The following TNFSF4 variants were observed in gnomAD, a reference collection of about 807,000 sequenced individuals.
TNFSF4 encodes the protein tumor necrosis factor ligand superfamily member 4.
In TNFSF4, 4 loss-of-function variants were observed where a neutral mutation model predicts 7.3. The observed-to-expected ratio is 0.55, with a 90% CI of 0.27 to 1.25. The LOEUF (loss-of-function observed/expected upper bound fraction) is 1.25. Among genes scored for constraint, TNFSF4 ranks in the 50% most tolerant of loss-of-function variants. The probability of loss-of-function intolerance (pLI) is 0.12; values close to 1 mark genes in which losing one functional copy is unlikely to be tolerated. For synonymous variants in TNFSF4, 76 were observed against 83.7 expected (o/e 0.91, Z 0.50); for missense variants, 181 against 208.8 (o/e 0.87, Z 0.82).
the TNFSF4 span, among the ~76,000 whole-genome samples, chr1:173,250,328 A>C: frequency 6.6e-6 from 1 of 152,242 alleles, no homozygotes; most frequent in Non-Finnish European, 1.5e-5. Flanking sequence ...AATTTCAATA[A>C]ATTGAACAGA....
chr1:173,232,276 T>A, the TNFSF4 span, among the ~76,000 whole-genome samples: 1 of 152,210 alleles, frequency 6.6e-6, no homozygotes, highest in Non-Finnish European at 1.5e-5. Flanking sequence ...GATTGTCTGT[T>A]ATTGGTGTAT....
chr1:173,267,269 T>G, the TNFSF4 span, among the ~76,000 whole-genome samples: 4 of 152,182 alleles, frequency 2.6e-5, no homozygotes, highest in African/African-American at 9.7e-5. Flanking sequence ...CAACATACCT[T>G]TGCCAGGCTA....
upstream of TNFSF4, among the ~76,000 whole-genome samples, chr1:173,210,734 G>A (rs1199995663): frequency 6.6e-6 from 1 of 152,030 alleles, no homozygotes; most frequent in Non-Finnish European, 1.5e-5. Flanking sequence ...CTAGGGGGGG[G>A]AAAAGAGACA....
chr1:173,380,568 T>C, the TNFSF4 span, among the ~76,000 whole-genome samples: 1 of 152,120 alleles, frequency 6.6e-6, no homozygotes, highest in South Asian at 2.1e-4. Flanking sequence ...GTCCAGGTTT[T>C]GTAATGGCAA....
chr1:173,335,144 A>C, the TNFSF4 span, among the ~76,000 whole-genome samples: 1 of 152,180 alleles, frequency 6.6e-6, no homozygotes, highest in Non-Finnish European at 1.5e-5. Flanking sequence ...CTGCTTGCTT[A>C]GTTCGTTAGA....
At chr1:173,408,323 A>G in the TNFSF4 span, among the ~76,000 whole-genome samples, 1 of 152,210 alleles carries the variant, frequency 6.6e-6, no homozygotes, top group Admixed American at 6.5e-5. Flanking sequence ...TGATAGGAAC[A>G]CTGGCCAAAT....
At chr1:173,308,297 GTGTGTGTGTGTGTGTC>G in the TNFSF4 span, among the ~76,000 whole-genome samples, 15 of 147,748 alleles carry the variant, frequency 1.0e-4, no homozygotes, top group African/African-American at 3.4e-4. Flanking sequence ...GTGTGTGTGT[GTGTGTGTGTGTGTGTC>G]TGTGTGTGTG....
the TNFSF4 span, among the ~76,000 whole-genome samples, chr1:173,348,232 G>A: frequency 2.0e-5 from 3 of 152,150 alleles, no homozygotes; most frequent in Non-Finnish European, 2.9e-5. Context: ...TATGGGGGCA[G>A]TTTCCCCCAT....
the TNFSF4 span, among the ~76,000 whole-genome samples, chr1:173,241,191 C>CCCAACA: frequency 6.6e-6 from 1 of 152,106 alleles, no homozygotes; most frequent in Non-Finnish European, 1.5e-5. Context: ...TCTCCCCAAC[C>CCCAACA]CCAACACATT....
the TNFSF4 span, among the ~76,000 whole-genome samples, chr1:173,267,708 T>C: frequency 2.0e-5 from 3 of 152,092 alleles, no homozygotes; most frequent in Non-Finnish European, 4.4e-5. Context: ...GAAGGTTTGA[T>C]TAAGGCTGGA....
chr1:173,353,662 A>G, the TNFSF4 span, among the ~76,000 whole-genome samples: 1 of 152,326 alleles, frequency 6.6e-6, no homozygotes, highest in Admixed American at 6.5e-5. Context: ...TGTTAGACAA[A>G]GCAACTCTCT....
At chr1:173,402,972 C>G in the TNFSF4 span, among the ~76,000 whole-genome samples, 2 of 152,142 alleles carry the variant, frequency 1.3e-5, no homozygotes, top group African/African-American at 4.8e-5. Context: ...CCAACCTCAG[C>G]TGCCTGAGTA....
chr1:173,338,059 A>T, the TNFSF4 span, among the ~76,000 whole-genome samples: 1 of 152,296 alleles, frequency 6.6e-6, no homozygotes, highest in Admixed American at 6.5e-5. Flanking sequence ...TGGACTCAAC[A>T]ACATGAACTT....
At chr1:173,327,320 A>T in the TNFSF4 span, among the ~76,000 whole-genome samples, 1 of 152,230 alleles carries the variant, frequency 6.6e-6, no homozygotes. Flanking sequence ...CTGAAACTGG[A>T]TCCCTTCCTT....
At chr1:173,337,750 T>C in the TNFSF4 span, among the ~76,000 whole-genome samples, 49 of 152,176 alleles carry the variant, frequency 3.2e-4, no homozygotes, top group Non-Finnish European at 5.7e-4. Flanking sequence ...TATGGATTCA[T>C]GGGTTGTGGC....
At chr1:173,280,359 AGGTCTGT>A in the TNFSF4 span, among the ~76,000 whole-genome samples, 1 of 152,112 alleles carries the variant, frequency 6.6e-6, no homozygotes, top group Non-Finnish European at 1.5e-5. Context: ...CCTGAGTTCA[AGGTCTGT>A]GTCCTTCATT....
At chr1:173,206,974 T>C (rs1449628902) in intron 1 of TNFSF4, 50 bp downstream of exon 1, 11 of 1,541,994 alleles carry the variant, frequency 7.1e-6, no homozygotes, top group Non-Finnish European at 9.7e-6. Context: ...CTGTTGCAGC[T>C]GCCATCAGCA....
the TNFSF4 span, among the ~76,000 whole-genome samples, chr1:173,217,663 T>C: frequency 1.7e-4 from 26 of 152,306 alleles, no homozygotes; most frequent in Non-Finnish European, 1.3e-4. Flanking sequence ...GTGCCACATA[T>C]CTAAATGATA....
the TNFSF4 span, among the ~76,000 whole-genome samples, chr1:173,385,072 ACT>A: frequency 6.6e-6 from 1 of 152,210 alleles, no homozygotes; most frequent in South Asian, 2.1e-4. Flanking sequence ...GGGATAAATG[ACT>A]CTGTGGGTAA....
Sources: allele counts gnomAD v4.1 joint callset (sites outside exome capture counted in the v4.1 genomes callset), GRCh38; gene constraint gnomAD v4.1.1; transcripts MANE v1.5; gene names NCBI Gene and HGNC (gene_info 2026-07-23, HGNC 2026-07-21).